The following RPS6KA6 variants were observed in gnomAD, a reference collection of about 807,000 sequenced individuals.
The protein encoded by RPS6KA6 is ribosomal protein S6 kinase alpha-6.
RPS6KA6 carries 27 observed loss-of-function variants against 65.4 expected under a neutral mutation model. The observed-to-expected ratio is 0.41, with a 90% CI of 0.30 to 0.57. The LOEUF is 0.57. Ranked by LOEUF, RPS6KA6 falls within the 20% of genes least tolerant of loss-of-function variation. The pLI is 0.24. For missense variants in RPS6KA6, 486 were observed against 555.6 expected (o/e 0.87, Z 1.26); for synonymous variants, 190 against 184.2 (o/e 1.03, Z -0.26).
chrX:84,076,711 T>C (rs2147346908), intron 20 of RPS6KA6, among the ~76,000 whole-genome samples: 1 of 111,460 alleles, frequency 9.0e-6, no homozygotes, highest in Admixed American at 9.5e-5. Context: ...GAAAAATAAA[T>C]GCTTACACTC....
chrX:84,065,009 C>T lies in RPS6KA6; in HGVS notation c.2074G>A (p.Asp692Asn), dbSNP rs6616890. ...GACACATCATTTCTCTTTGGCTGAT[C>T]ATTTGGCAACTGGTCTCTGTGAGTT... ...WITHRDQLPN[D>N]QPKRNDVSHV... is the part of the protein sequence containing the mutation. The change falls in exon 21 of 22, where the codon GAT becomes AAT. Residue 692 changes from aspartate to asparagine, a missense_variant. By Grantham distance (23) the Asp-to-Asn change is conservative. Transcript: ENST00000262752. 73,220 of 1,203,882 alleles carry T rather than the reference C, an allele frequency of 0.061. 2,128 individuals carry two copies. Among genetic ancestry groups the T allele is most frequent in the East Asian group, 0.25 (8,316 of 33,625 alleles).
intron 1 of RPS6KA6, among the ~76,000 whole-genome samples, chrX:84,174,815 T>A (rs1285377926): frequency 9.0e-6 from 1 of 111,674 alleles, no homozygotes; most frequent in Admixed American, 9.5e-5. Context: ...CTCATCATAT[T>A]ACTCTTGGTT....
chrX:84,091,042 C>T (rs1352174295), intron 20 of RPS6KA6, among the ~76,000 whole-genome samples: 1 of 111,660 alleles, frequency 9.0e-6, no homozygotes, highest in East Asian at 2.8e-4. Context: ...CCAACTCTGC[C>T]ACTCATTAAT....
At chrX:84,075,053 T>C (rs746151777) in intron 20 of RPS6KA6, among the ~76,000 whole-genome samples, 12 of 111,025 alleles carry the variant, frequency 1.1e-4, no homozygotes, top group African/African-American at 3.9e-4. Flanking sequence ...GCCAACATTG[T>C]GAAACCCCGT....
At position 84,096,238 on chromosome X, in the gene RPS6KA6, A is replaced by G. The variant is rs1404160333; in HGVS notation, c.1927T>C (p.Ser643Pro). Residue 643 changes from serine to proline, a missense_variant, in exon 20 of 22, where the codon TCT becomes CCT. Ser to Pro is a moderately conservative substitution (Grantham distance 74). This residue lies in a region of RPS6KA6 where 345 missense variants were observed against 375.0 expected (regional missense o/e 0.92). Transcript: ENST00000262752. ...TTGTCCCAGTTTCCACCACTCAAAG[A>G]GAATTTTCCATTGCCTATACGCAGC... ...ILLRIGNGKF[S>P]LSGGNWDNIS... 1 of 1,201,046 alleles carries G rather than the reference A, an allele frequency of 8.3e-7. No individual in the cohort carries two copies. Among genetic ancestry groups the G allele is most frequent in the Non-Finnish European group, 1.1e-6 (1 of 886,277 alleles).
At chrX:84,166,724 T>C (rs745987058) in intron 1 of RPS6KA6, among the ~76,000 whole-genome samples, 3 of 111,340 alleles carry the variant, frequency 2.7e-5, no homozygotes, top group East Asian at 2.8e-4. Context: ...GGGAAATGTA[T>C]AGAGACAGAA....
At chrX:84,165,186 A>T (rs1402166122) in intron 1 of RPS6KA6, among the ~76,000 whole-genome samples, 1 of 110,478 alleles carries the variant, frequency 9.1e-6, no homozygotes, top group African/African-American at 3.3e-5. Context: ...AATCTGCCAA[A>T]CACTGAACTA....
At chrX:84,078,563 CAATGATGTATCCATAAA>C (rs781304186) in intron 20 of RPS6KA6, among the ~76,000 whole-genome samples, 71 of 111,717 alleles carry the variant, frequency 6.4e-4, no homozygotes, top group African/African-American at 2.2e-3. Context: ...AACAGATGAA[CAATGATGTATCCATAAA>C]AAGAAATATT....
intron 9 of RPS6KA6, among the ~76,000 whole-genome samples, chrX:84,118,375 G>A (rs1397000575): frequency 9.0e-6 from 1 of 111,252 alleles, no homozygotes; most frequent in East Asian, 2.8e-4. Flanking sequence ...ACTTCAGGGA[G>A]AGAATGAAGG....
chrX:84,176,240 G>A (rs1360214315), intron 1 of RPS6KA6, among the ~76,000 whole-genome samples: 1 of 112,132 alleles, frequency 8.9e-6, no homozygotes, highest in Non-Finnish European at 1.9e-5. Flanking sequence ...TAGCTCCAAA[G>A]TGTTCCCAAT....
chrX:84,069,336 G>A (rs1410625555), intron 20 of RPS6KA6, among the ~76,000 whole-genome samples: 4 of 111,785 alleles, frequency 3.6e-5, no homozygotes, highest in South Asian at 3.7e-4. Flanking sequence ...TTTAATAAAT[G>A]GTGCTGGGAA....
chrX:84,104,545 A>G lies in RPS6KA6; in HGVS notation c.1568T>C (p.Ile523Thr). ...AACTGTCTTACTTATTACATATAGT[A>G]TATCACTAGCCTCCCGTTCCGAGAA... ...KCFSEREASD[I>T]LYVISKTVDY... The change falls in exon 17 of 22, where the codon ATA becomes ACA. Residue 523 changes from isoleucine to threonine, a missense_variant. This residue lies in a region of RPS6KA6 where 345 missense variants were observed against 375.0 expected (regional missense o/e 0.92). Coordinates refer to ENST00000262752, the MANE Select transcript of RPS6KA6 (RefSeq NM_014496.5). 8.4e-7 allele frequency: 1 copy of G among 1,185,422 alleles called. No homozygotes were observed. The highest frequency in any genetic ancestry group is 1.1e-6 in the Non-Finnish European group (1 of 880,055).
intron 19 of RPS6KA6, among the ~76,000 whole-genome samples, chrX:84,096,884 C>A (rs2034167758): frequency 9.0e-6 from 1 of 110,976 alleles, no homozygotes; most frequent in Non-Finnish European, 1.9e-5. Context: ...GCTTGACATG[C>A]AAACTTTAGC....
In RPS6KA6 at chrX:84,106,565, T is replaced by C. The variant is rs772660960; in HGVS notation, c.1243-78A>G. 3.1e-5 allele frequency: 22 copies of C among 703,856 alleles called. No homozygotes were observed. In the South Asian group the frequency reaches 6.1e-4, roughly 20 times the overall value. 58.0% of individuals were successfully genotyped at this position (703,856 alleles called of 1,213,427 possible). On this transcript the variant is annotated intron_variant, in intron 14 of 21. Transcript: ENST00000262752. ...TTCTGTCTTTTGTCCTAAATATACATTCATCTTAAGCCTTAAACTAGAATA... is the reference window on the plus strand; with the variant it reads ...TTCTGTCTTTTGTCCTAAATATACACTCATCTTAAGCCTTAAACTAGAATA...
chrX:84,108,202 T>C (rs1441584856), intron 12 of RPS6KA6, among the ~76,000 whole-genome samples: 2 of 112,406 alleles, frequency 1.8e-5, no homozygotes, highest in Non-Finnish European at 3.8e-5. Context: ...TTGAAAGGCA[T>C]AGAAAATTTC....
rs1207109128 is a variant in RPS6KA6 at position 84,066,206 on chromosome X, G to GT, written c.1972-1096dup. 6.1e-3 allele frequency among the ~76,000 whole-genome samples: 583 copies of GT among 95,708 alleles called. 1 individual carries two copies. Among genetic ancestry groups the GT allele is most frequent in the South Asian group, 0.013 (27 of 2,049 alleles). The allele number at this position is 95,708 out of a possible 115,157, so 83.1% of individuals were successfully genotyped here. ...TTGGGCAGACAGTGAGCTAGCTGCA[G>GT]TTTTTTTTTTTTTTTTCGTAACCCA... On this transcript the variant is annotated intron_variant, in intron 20 of 21. Coordinates refer to ENST00000262752, the MANE Select transcript of RPS6KA6 (RefSeq NM_014496.5).
chrX:84,181,597 T>G (rs897788722), intron 1 of RPS6KA6, among the ~76,000 whole-genome samples: 1 of 111,720 alleles, frequency 9.0e-6, no homozygotes, highest in Admixed American at 9.5e-5. Flanking sequence ...TTTTTTTACT[T>G]TGGCCTAGAG....
intron 12 of RPS6KA6, among the ~76,000 whole-genome samples, chrX:84,111,113 G>A (rs1313768765): frequency 1.8e-5 from 2 of 108,347 alleles, no homozygotes; most frequent in Non-Finnish European, 3.8e-5. Flanking sequence ...TTGAGCATGA[G>A]GGCTGGTCTT....
chrX:84,139,483 A>G (rs1276126284), intron 6 of RPS6KA6, among the ~76,000 whole-genome samples: 1 of 111,702 alleles, frequency 9.0e-6, no homozygotes, highest in African/African-American at 3.3e-5. Context: ...CCCTATGCTC[A>G]CGCATGGCAC....
Sources: allele counts gnomAD v4.1 joint callset (sites outside exome capture counted in the v4.1 genomes callset), GRCh38; gene constraint gnomAD v4.1.1; regional missense constraint gnomAD v4.1.1; transcripts MANE v1.5; gene names NCBI Gene and HGNC (gene_info 2026-07-23, HGNC 2026-07-21).